HIPK2: variants seen among roughly 807,000 people sequenced by gnomAD.
HIPK2 encodes homeodomain interacting protein kinase 2, also known as homeodomain-interacting protein kinase 2.
A neutral mutation model predicts 113.7 loss-of-function variants in HIPK2; 27 were observed. That is an observed-to-expected ratio of 0.24 (90% confidence interval 0.17 to 0.33). The LOEUF (loss-of-function observed/expected upper bound fraction) is 0.33. Ranked by LOEUF, HIPK2 falls within the 10% of genes least tolerant of loss-of-function variation. HIPK2 has a pLI of 1.00. For missense variants in HIPK2, 1,257 were observed against 1,588.0 expected (o/e 0.79, Z 3.54); for synonymous variants, 631 against 642.2 (o/e 0.98, Z 0.26).
chr7:139,604,441 G>A (rs1056906324), intron 9 of HIPK2, among the ~76,000 whole-genome samples: 1 of 152,102 alleles, frequency 6.6e-6, no homozygotes, highest in African/African-American at 2.4e-5. Context: ...TAGCACTTTG[G>A]GAGGCTGAGG....
At chr7:139,771,862 G>A (rs953094586) in intron 1 of HIPK2, among the ~76,000 whole-genome samples, 1 of 152,140 alleles carries the variant, frequency 6.6e-6, no homozygotes, top group Non-Finnish European at 1.5e-5. Flanking sequence ...TATATGAAAG[G>A]TTTTAGAGAA....
chr7:139,662,451 C>T (rs1458371428), intron 2 of HIPK2, among the ~76,000 whole-genome samples: 1 of 152,112 alleles, frequency 6.6e-6, no homozygotes, highest in African/African-American at 2.4e-5. Context: ...GTCTTTCTAT[C>T]GTTGCTTATA....
chr7:139,695,457 A>G (rs1794534611), intron 2 of HIPK2, among the ~76,000 whole-genome samples: 1 of 152,220 alleles, frequency 6.6e-6, no homozygotes, highest in Admixed American at 6.5e-5. Flanking sequence ...TGAGAACGCC[A>G]ACCTGATTGC....
chr7:139,752,163 C>A (rs1023410710), intron 1 of HIPK2, among the ~76,000 whole-genome samples: 4 of 152,210 alleles, frequency 2.6e-5, no homozygotes, highest in African/African-American at 9.7e-5. Context: ...TGCCTGTGTG[C>A]ACACACATGC....
intron 9 of HIPK2, among the ~76,000 whole-genome samples, chr7:139,611,238 G>C (rs1799806830): frequency 6.6e-6 from 1 of 152,038 alleles, no homozygotes; most frequent in Non-Finnish European, 1.5e-5. Context: ...AATCAGATAA[G>C]GATTTTATAA....
At chr7:139,671,558 G>GTT (rs199821003) in intron 2 of HIPK2, among the ~76,000 whole-genome samples, 6 of 147,872 alleles carry the variant, frequency 4.1e-5, no homozygotes, top group African/African-American at 1.5e-4. Context: ...TGAGAATAAA[G>GTT]TTTTTTTTTT....
intron 1 of HIPK2, among the ~76,000 whole-genome samples, chr7:139,755,654 T>C (rs1365773643): frequency 6.6e-6 from 1 of 152,196 alleles, no homozygotes; most frequent in East Asian, 1.9e-4. Flanking sequence ...TTAAAGATGC[T>C]CTGGTCCCAC....
intron 2 of HIPK2, among the ~76,000 whole-genome samples, chr7:139,657,747 G>T (rs751964736): frequency 1.2e-4 from 18 of 152,194 alleles, no homozygotes; most frequent in Admixed American, 3.9e-4. Context: ...CTCCAATTAA[G>T]CTATAAGCTT....
Position 139,589,940 on chromosome 7 carries a change from G to C in HIPK2, c.2718-5876C>G, listed in dbSNP as rs1213535484. ...CAAGTGACACATTTATTTGCAGAAG[G>C]TGAATTCATTTGCTAGCTGTTTTTC... On this transcript the variant is annotated intron_variant, in intron 12 of 14. Coordinates refer to ENST00000406875, the MANE Select transcript of HIPK2 (RefSeq NM_022740.5). 2.6e-5 allele frequency among the ~76,000 whole-genome samples: 4 copies of C among 152,324 alleles called. No homozygotes were observed. The East Asian group carries it at 5.8e-4, about 22-fold the overall frequency.
chr7:139,656,224 T>C (rs1285065615), intron 2 of HIPK2, among the ~76,000 whole-genome samples: 1 of 152,072 alleles, frequency 6.6e-6, no homozygotes, highest in East Asian at 1.9e-4. Context: ...TGGGTTCTAG[T>C]ACCATATTCT....
At chr7:139,673,964 G>A (rs183886165) in intron 2 of HIPK2, among the ~76,000 whole-genome samples, 96 of 150,878 alleles carry the variant, frequency 6.4e-4, no homozygotes, top group Non-Finnish European at 1.0e-3. Flanking sequence ...CCAGCAACTC[G>A]GGAGGCTGAG....
At chr7:139,725,096 C>T (rs937657236) in intron 1 of HIPK2, among the ~76,000 whole-genome samples, 1 of 152,128 alleles carries the variant, frequency 6.6e-6, no homozygotes, top group Admixed American at 6.6e-5. Context: ...TTGAGCACAA[C>T]AGGAAACACA....
chr7:139,738,302 C>T (rs183864433), intron 1 of HIPK2, among the ~76,000 whole-genome samples: 6 of 152,380 alleles, frequency 3.9e-5, no homozygotes, highest in East Asian at 1.9e-4. Context: ...GGGAAACACA[C>T]GCTGAAGCAT....
At chr7:139,669,484 A>G (rs1802183590) in intron 2 of HIPK2, among the ~76,000 whole-genome samples, 1 of 152,230 alleles carries the variant, frequency 6.6e-6, no homozygotes, top group African/African-American at 2.4e-5. Flanking sequence ...CTCATTGGTG[A>G]ATGACAAAAT....
intron 12 of HIPK2, among the ~76,000 whole-genome samples, chr7:139,588,721 A>C (rs935981702): frequency 1.3e-5 from 2 of 152,262 alleles, no homozygotes; most frequent in South Asian, 4.1e-4. Flanking sequence ...TGCCTTAAGA[A>C]GACAAGGGCA....
chr7:139,643,674 C>CCAAACGA (rs1404377153), intron 2 of HIPK2, among the ~76,000 whole-genome samples: 1 of 151,942 alleles, frequency 6.6e-6, no homozygotes, highest in African/African-American at 2.4e-5. Flanking sequence ...ATGGATCCAC[C>CCAAACGA]TAAACGATAT....
Position 139,669,202 on chromosome 7 carries a change from G to A in HIPK2, c.1104-37477C>T, listed in dbSNP as rs190673919. Among the ~76,000 whole-genome samples, 10 of 152,264 alleles carry A rather than the reference G, an allele frequency of 6.6e-5. No individual in the cohort carries two copies. In the East Asian group the frequency reaches 1.9e-3, roughly 29 times the overall value. On this transcript the variant is annotated intron_variant, in intron 2 of 14. Transcript: ENST00000406875. ...TCACAGAGTCCTCTCCCCAGCCCGA[G>A]ACCACTATCAATCCCCTTGGCTAGG...
intron 2 of HIPK2, among the ~76,000 whole-genome samples, chr7:139,642,794 A>T (rs1801071691): frequency 6.6e-6 from 1 of 152,238 alleles, no homozygotes; most frequent in South Asian, 2.1e-4. Context: ...GGGCCCACCC[A>T]TTGCGCTGGC....
chr7:139,680,434 C>T (rs575169505), intron 2 of HIPK2, among the ~76,000 whole-genome samples: 15 of 152,326 alleles, frequency 9.8e-5, no homozygotes, highest in East Asian at 1.9e-4. Context: ...ATTAAATTCA[C>T]GTCACTGGCT....
Sources: gnomAD v4.1 joint callset for allele counts (sites outside exome capture counted in the v4.1 genomes callset) on GRCh38, gnomAD v4.1.1 for gene constraint, MANE v1.5 for transcripts, NCBI Gene and HGNC (gene_info 2026-07-23, HGNC 2026-07-21) for gene names.